ITGB3BP: variants seen among roughly 807,000 people sequenced by gnomAD.
ITGB3BP encodes centromere protein R.
A neutral mutation model predicts 29.1 loss-of-function variants in ITGB3BP; 27 were observed. The observed-to-expected ratio is 0.93, with a 90% CI of 0.68 to 1.28. ITGB3BP has a LOEUF of 1.28. Among genes scored for constraint, ITGB3BP ranks in the 50% most tolerant of loss-of-function variants. The probability of loss-of-function intolerance (pLI) is 0.00; values close to 1 mark genes in which losing one functional copy is unlikely to be tolerated. For missense variants in ITGB3BP, 192 were observed against 200.2 expected, an observed-to-expected ratio of 0.96 and a Z score of 0.25; for synonymous variants, 61 against 61.4, an observed-to-expected ratio of 0.99 and a Z score of 0.03.
chr1:63,454,116 TATTATA>T lies in ITGB3BP; in HGVS notation c.428-148_428-143del. 3 of 469,416 alleles carry T rather than the reference TATTATA, an allele frequency of 6.4e-6. No individual in the cohort carries two copies. Among genetic ancestry groups the T allele is most frequent in the Non-Finnish European group, 7.4e-6 (2 of 270,538 alleles). 29.1% of individuals were successfully genotyped at this position (469,416 alleles called of 1,614,324 possible). On this transcript the variant is annotated intron_variant, in intron 6 of 8. Coordinates refer to ENST00000271002, the MANE Select transcript of ITGB3BP (RefSeq NM_014288.5). The surrounding 1 kb of genome is among the most constrained non-coding windows in gnomAD (Gnocchi z 4.1). ...GTACCAAATATAAAATATAATACCT[TATTATA>T]TATTATAAAAATGGGCATTACATTT...
chr1:63,455,153 G>A (rs1380747156), intron 4 of ITGB3BP, among the ~76,000 whole-genome samples, 185 bp from the exon 5 acceptor site: 2 of 152,028 alleles, frequency 1.3e-5, no homozygotes, highest in East Asian at 3.9e-4. Context: ...ACTGAGCAGT[G>A]GGATGGAAGA....
chr1:63,462,067 G>C (rs1645026325), intron 4 of ITGB3BP, among the ~76,000 whole-genome samples: 1 of 152,190 alleles, frequency 6.6e-6, no homozygotes, highest in African/African-American at 2.4e-5. Flanking sequence ...GCTTTGGGTA[G>C]TAGCATTAAC....
rs184373468 is a variant in ITGB3BP at position 63,520,383 on chromosome 1, A to C, written c.5+2746T>G. On this transcript the variant is annotated intron_variant, in intron 1 of 8. Transcript: ENST00000271002. ...AAATCTTTAAAAAGTGAAGGTTTCA[A>C]CCTAGATAGAGAAATGACTGTGCCA... 5.3e-5 allele frequency among the ~76,000 whole-genome samples: 8 copies of C among 152,304 alleles called. No homozygotes were observed. The East Asian group carries it at 1.3e-3, about 26-fold the overall frequency.
At chr1:63,463,414 T>C (rs1412674345) in intron 4 of ITGB3BP, among the ~76,000 whole-genome samples, 1 of 151,952 alleles carries the variant, frequency 6.6e-6, no homozygotes, top group African/African-American at 2.4e-5. Flanking sequence ...AAACAGGAAA[T>C]ATGAATAAGA....
chr1:63,461,083 CAAAAAA>C (rs35518465), intron 4 of ITGB3BP, among the ~76,000 whole-genome samples: 1 of 97,588 alleles, frequency 1.0e-5, no homozygotes, highest in African/African-American at 4.6e-5. Flanking sequence ...ACTAAAACTA[CAAAAAA>C]AAAAAAAAAA....
chr1:63,493,457 C>T (rs947931496), intron 2 of ITGB3BP, among the ~76,000 whole-genome samples: 1 of 151,700 alleles, frequency 6.6e-6, no homozygotes, highest in African/African-American at 2.4e-5. Context: ...AACAAACAAA[C>T]CTGCTTGTAA....
rs150331721 is a variant in ITGB3BP, at chr1:63,518,648, T to C, written c.5+4481A>G. Among the ~76,000 whole-genome samples the C allele has an allele frequency of 1.1e-3, 168 of 151,864 alleles. 2 individuals are homozygous for C. In the Middle Eastern group the frequency reaches 0.017, roughly 16 times the overall value. On this transcript the variant is annotated intron_variant, in intron 1 of 8. Coordinates refer to ENST00000271002, the MANE Select transcript of ITGB3BP (RefSeq NM_014288.5). ...TAGACAGTAAAGAGTTAGGACTTGC[T>C]TTAAAAAAAAATCTAGCCTTATAAT...
chr1:63,525,686 T>A, upstream of ITGB3BP: 1 of 1,603,072 alleles, frequency 6.2e-7, no homozygotes, highest in East Asian at 2.3e-5. Context: ...TTTATATGAA[T>A]TGTAGAGCTG....
upstream of ITGB3BP, among the ~76,000 whole-genome samples, chr1:63,523,790 G>A (rs1351949693): frequency 2.0e-5 from 3 of 152,146 alleles, no homozygotes; most frequent in Non-Finnish European, 4.4e-5. Flanking sequence ...ATTTCCAGAG[G>A]AATACAAAAA....
At chr1:63,447,463 G>A in intron 7 of ITGB3BP, 1 of 421,394 alleles carries the variant, frequency 2.4e-6, no homozygotes. Context: ...AGCCCAGAAA[G>A]AGTCCTGTAA....
At chr1:63,512,514 G>A (rs1646222372) in intron 1 of ITGB3BP, among the ~76,000 whole-genome samples, 2 of 152,090 alleles carry the variant, frequency 1.3e-5, no homozygotes, top group Admixed American at 1.3e-4. Flanking sequence ...TAAAACATTA[G>A]TTTAAATACA....
chr1:63,447,152 T>C, intron 7 of ITGB3BP: 1 of 333,452 alleles, frequency 3.0e-6, no homozygotes, highest in South Asian at 4.0e-5. Context: ...ATGACTGTCA[T>C]TTGTGCTAGA....
chr1:63,470,618 C>T (rs1645179932), intron 4 of ITGB3BP, among the ~76,000 whole-genome samples: 1 of 152,104 alleles, frequency 6.6e-6, no homozygotes, highest in Admixed American at 6.5e-5. Flanking sequence ...CACTGTAGTC[C>T]ATTAGATAAA....
At chr1:63,471,592 A>T (rs1486013277) in intron 4 of ITGB3BP, among the ~76,000 whole-genome samples, 1 of 152,028 alleles carries the variant, frequency 6.6e-6, no homozygotes, top group East Asian at 1.9e-4. Flanking sequence ...TCAGACTTCC[A>T]ATCCACCTGG....
intron 1 of ITGB3BP, among the ~76,000 whole-genome samples, chr1:63,514,189 G>T (rs1199092291): frequency 6.6e-6 from 1 of 152,076 alleles, no homozygotes; most frequent in Non-Finnish European, 1.5e-5. Context: ...GATTCACCCA[G>T]GTTGTTGCAC....
intron 3 of ITGB3BP, among the ~76,000 whole-genome samples, chr1:63,488,578 T>G (rs1645578113): frequency 6.6e-6 from 1 of 152,100 alleles, no homozygotes; most frequent in Admixed American, 6.6e-5. Context: ...TTCCTAAAAA[T>G]CAAGCTTTTT....
intron 4 of ITGB3BP, among the ~76,000 whole-genome samples, chr1:63,464,868 T>C (rs1300761845): frequency 1.3e-5 from 2 of 151,938 alleles, no homozygotes; most frequent in Non-Finnish European, 2.9e-5. Flanking sequence ...AGGAATGACG[T>C]ACAAAAAACA....
chr1:63,493,348 G>C (rs1645706032), intron 2 of ITGB3BP, among the ~76,000 whole-genome samples: 2 of 152,112 alleles, frequency 1.3e-5, no homozygotes, highest in South Asian at 4.1e-4. Context: ...CCAGGAGGCA[G>C]AGGTTGCAGT....
intron 1 of ITGB3BP, among the ~76,000 whole-genome samples, chr1:63,512,514 G>T (rs1646222372): frequency 6.6e-6 from 1 of 151,972 alleles, no homozygotes; most frequent in Non-Finnish European, 1.5e-5. Context: ...TAAAACATTA[G>T]TTTAAATACA....
Sources: gnomAD v4.1 joint callset for allele counts (sites outside exome capture counted in the v4.1 genomes callset) on GRCh38, gnomAD v4.1.1 for gene constraint, Gnocchi (gnomAD v3.1) non-coding constraint, MANE v1.5 for transcripts, NCBI Gene and HGNC (gene_info 2026-07-23, HGNC 2026-07-21) for gene names.